Variants in FANCD2 observed in about 807,000 individuals in gnomAD.
FANCD2 encodes the protein Fanconi anemia group D2 protein.
FANCD2 carries 131 observed loss-of-function variants against 192.3 expected under a neutral mutation model. That is an observed-to-expected ratio of 0.68 (90% CI 0.59 to 0.79). FANCD2 has a LOEUF of 0.79. FANCD2 is among the 30% of genes least tolerant of loss of function. The pLI is 0.00. For missense variants in FANCD2, 1,508 were observed against 1,701.6 expected, an observed-to-expected ratio of 0.89 and a Z score of 2.00; for synonymous variants, 524 against 612.5, an observed-to-expected ratio of 0.86 and a Z score of 2.13.
intron 13 of FANCD2, 68 bp downstream of exon 13, chr3:10,043,660 A>G (rs2086923558): frequency 7.3e-7 from 1 of 1,372,610 alleles, no homozygotes; most frequent in Non-Finnish European, 1.0e-6. Context: ...TGTATAACTG[A>G]GGTAGACTGA....
At chr3:10,046,292 A>G (rs1358603756) in intron 14 of FANCD2, 18 of 371,750 alleles carry the variant, frequency 4.8e-5, no homozygotes, top group Non-Finnish European at 8.2e-5. Context: ...TGACCTTGTG[A>G]TCTGCCCGCC....
chr3:10,031,292 A>G (rs1183007417), intron 2 of FANCD2, among the ~76,000 whole-genome samples: 2 of 152,146 alleles, frequency 1.3e-5, no homozygotes, highest in African/African-American at 2.4e-5. Context: ...TCACGAGGTC[A>G]GGAGATTGAG....
rs192804303 is a variant in FANCD2 at position 10,074,224 on chromosome 3, A to G, written c.2716-306A>G. Among the ~76,000 whole-genome samples the G allele has an allele frequency of 2.4e-3, 368 of 152,234 alleles. 2 individuals carry two copies. The highest frequency in any genetic ancestry group is 6.8e-3 in the Middle Eastern group (2 of 294). ...CTCCCAAAGTCCTGGGATTACAGGC[A>G]TGAACCACCACACCTGGCCAGCTCA... On this transcript the variant is annotated intron_variant, in intron 28 of 43. Transcript: ENST00000675286.
intron 29 of FANCD2, 100 bp downstream of exon 29, chr3:10,074,773 G>A: frequency 2.6e-6 from 3 of 1,142,512 alleles, no homozygotes; most frequent in Non-Finnish European, 3.9e-6. Context: ...GAGGAGAGAA[G>A]TTAGACTGAC....
At chr3:10,034,443 G>A (rs1486151686) in intron 3 of FANCD2, 26 bp from the exon 4 acceptor site, 2 of 1,578,554 alleles carry the variant, frequency 1.3e-6, no homozygotes, top group Non-Finnish European at 1.7e-6. Context: ...GGAAACTGGT[G>A]ACCAGCTCTT....
At chr3:10,058,633 C>G (rs2087480514) in intron 18 of FANCD2, among the ~76,000 whole-genome samples, 1 of 152,142 alleles carries the variant, frequency 6.6e-6, no homozygotes, top group African/African-American at 2.4e-5. Context: ...CTTTGGCACC[C>G]TTGTCAAAAA....
chr3:10,070,155 C>G, intron 26 of FANCD2, among the ~76,000 whole-genome samples: 1 of 145,766 alleles, frequency 6.9e-6, no homozygotes, highest in South Asian at 2.2e-4. Context: ...CCGGCTGCCC[C>G]GTATGAGAAG....
chr3:10,046,386 C>A, intron 14 of FANCD2, 194 bp from the exon 15 acceptor site: 1 of 845,090 alleles, frequency 1.2e-6, no homozygotes, highest in Non-Finnish European at 1.8e-6. Flanking sequence ...CAATGGTTAA[C>A]AGTTGTGGCA....
chr3:10,057,196 A>G (rs2087437914), intron 18 of FANCD2, among the ~76,000 whole-genome samples: 1 of 152,154 alleles, frequency 6.6e-6, no homozygotes, highest in Non-Finnish European at 1.5e-5. Context: ...GTTTTGAGGT[A>G]TGGGAGTTAT....
intron 2 of FANCD2, among the ~76,000 whole-genome samples, chr3:10,030,345 C>T (rs1236713407): frequency 6.6e-6 from 1 of 151,502 alleles, no homozygotes; most frequent in African/African-American, 2.4e-5. Flanking sequence ...AATCCACCCA[C>T]CTCAGCCTCC....
chr3:10,085,373 A>ATTCTTTT lies in FANCD2; in HGVS notation c.3225-425_3225-419dup, dbSNP rs202213490. Among the ~76,000 whole-genome samples the ATTCTTTT allele has an allele frequency of 4.0e-5, 6 of 150,998 alleles. No individual in the cohort carries two copies. In the South Asian group the frequency reaches 1.0e-3, roughly 26 times the overall value. On this transcript the variant is annotated intron_variant, in intron 32 of 43. Coordinates refer to ENST00000675286, the MANE Select transcript of FANCD2 (RefSeq NM_001018115.3). ...TGGTACTTCAGTACTTTCCATTTCAATTCTTTTTTCTTTTTTCTTTCTTTT... is the reference window on the plus strand; with the variant it reads ...TGGTACTTCAGTACTTTCCATTTCAATTCTTTTTTCTTTTTTCTTTTTTCTTTCTTTT...
intron 41 of FANCD2, among the ~76,000 whole-genome samples, chr3:10,095,929 C>T (rs547584450): frequency 3.7e-4 from 54 of 147,334 alleles, no homozygotes; most frequent in South Asian, 2.1e-4. Flanking sequence ...TAGCCCAGGC[C>T]GGAGTGCAGT....
intron 16 of FANCD2, among the ~76,000 whole-genome samples, chr3:10,048,518 T>C (rs1200369137): frequency 2.0e-5 from 3 of 152,244 alleles, no homozygotes; most frequent in African/African-American, 7.2e-5. Context: ...TTGGCCAGGC[T>C]GGTCTCGAAC....
At chr3:10,053,272 G>A (rs1054020630) in intron 18 of FANCD2, among the ~76,000 whole-genome samples, 57 of 150,724 alleles carry the variant, frequency 3.8e-4, no homozygotes, top group Admixed American at 8.7e-4. Flanking sequence ...GTAAACTATC[G>A]CAAGAACAAA....
chr3:10,057,642 C>T (rs1575779892), intron 18 of FANCD2, among the ~76,000 whole-genome samples: 1 of 152,182 alleles, frequency 6.6e-6, no homozygotes, highest in African/African-American at 2.4e-5. Flanking sequence ...TGATTACAGG[C>T]ATGAGCTACT....
At position 10,034,769 on chromosome 3, in the gene FANCD2, T is replaced by C. The variant is rs958452816; in HGVS notation, c.348T>C (p.Ser116=). ...DEDSFRNCLL[S]CERLQDEEAS... is the part of the protein sequence containing the mutation. ...ACAGTTTCAGGAACTGCCTTTTGTC[T>C]TGTGAGCGTCTGCAGGATGAGGAAG... Residue 116 remains serine (S), a synonymous_variant, in exon 5 of 44, where the codon TCT becomes TCC. Coordinates refer to ENST00000675286, the MANE Select transcript of FANCD2 (RefSeq NM_001018115.3). The C allele has an allele frequency of 9.0e-6, 14 of 1,563,062 alleles. No individual in the cohort carries two copies. The African/African-American group carries it at 1.8e-4, about 20-fold the overall frequency.
intron 2 of FANCD2, among the ~76,000 whole-genome samples, chr3:10,030,388 T>C (rs2086563432): frequency 6.6e-6 from 1 of 151,326 alleles, no homozygotes; most frequent in Non-Finnish European, 1.5e-5. Context: ...TGAGCCACCA[T>C]GCCTGGCCTC....
In FANCD2 at chr3:10,041,721, C is replaced by G. The variant is rs1196839180; in HGVS notation, c.783+11C>G. 6.2e-7 allele frequency: 1 copy of G among 1,605,728 alleles called. No individual in the cohort carries two copies. Reference sequence around the variant, plus strand: ...AACTTCCTATTGAAGGTAGAAAAGACTCAGCTTTCCAGAAACAGAGCCAGC... The same window carrying G: ...AACTTCCTATTGAAGGTAGAAAAGAGTCAGCTTTCCAGAAACAGAGCCAGC... On this transcript the variant is annotated intron_variant, in intron 10 of 43. Coordinates refer to ENST00000675286, the MANE Select transcript of FANCD2 (RefSeq NM_001018115.3).
chr3:10,035,022 A>C, intron 5 of FANCD2, 151 bp from the exon 6 acceptor site: 1 of 723,818 alleles, frequency 1.4e-6, no homozygotes, highest in Non-Finnish European at 2.3e-6. Flanking sequence ...TCTCCCTTGC[A>C]AAGAGCCATC....
Sources: gnomAD v4.1 joint callset for allele counts (sites outside exome capture counted in the v4.1 genomes callset) on GRCh38, gnomAD v4.1.1 for gene constraint, MANE v1.5 for transcripts, NCBI Gene and HGNC (gene_info 2026-07-23, HGNC 2026-07-21) for gene names.